Variants in PKP4 observed in about 807,000 individuals in gnomAD.
PKP4 encodes plakophilin-4.
A neutral mutation model predicts 145.1 loss-of-function variants in PKP4; 90 were observed. That is an observed-to-expected ratio of 0.62 (90% confidence interval 0.52 to 0.74). The LOEUF (loss-of-function observed/expected upper bound fraction) is 0.74. Among genes scored for constraint, PKP4 ranks in the 30% least tolerant of loss-of-function variants. The pLI is 0.00. For synonymous variants in PKP4, 563 were observed against 577.2 expected (o/e 0.98, Z 0.35); for missense variants, 1,340 against 1,482.7 (o/e 0.90, Z 1.58).
chr2:158,634,608 C>A (rs1473295426), intron 9 of PKP4, among the ~76,000 whole-genome samples: 1 of 152,156 alleles, frequency 6.6e-6, no homozygotes, highest in East Asian at 1.9e-4. Flanking sequence ...TTAAACAAGG[C>A]TTTGAAAGAT....
chr2:158,532,327 G>C (rs1376108004), intron 1 of PKP4, among the ~76,000 whole-genome samples: 1 of 152,030 alleles, frequency 6.6e-6, no homozygotes, highest in Non-Finnish European at 1.5e-5. Context: ...CCTAATGACT[G>C]GAATGAGACT....
intron 3 of PKP4, among the ~76,000 whole-genome samples, chr2:158,595,061 A>G (rs181404741): frequency 2.8e-4 from 42 of 152,320 alleles, no homozygotes; most frequent in Middle Eastern, 3.4e-3. Flanking sequence ...AATTTGTGTA[A>G]CTGCTCTATT....
At chr2:158,667,414 C>A (rs2057200182) in intron 16 of PKP4, among the ~76,000 whole-genome samples, 1 of 152,184 alleles carries the variant, frequency 6.6e-6, no homozygotes, top group African/African-American at 2.4e-5. Flanking sequence ...GCTGTCCTAA[C>A]TGGGTTTGCT....
intron 3 of PKP4, among the ~76,000 whole-genome samples, chr2:158,583,463 T>A (rs2048510131): frequency 6.6e-6 from 1 of 152,198 alleles, no homozygotes. Flanking sequence ...GTCAGGAAAG[T>A]ATAAAGAGAA....
At chr2:158,641,244 G>A (rs1375105570) in intron 10 of PKP4, among the ~76,000 whole-genome samples, 4 of 151,968 alleles carry the variant, frequency 2.6e-5, no homozygotes, top group South Asian at 4.1e-4. Context: ...AGGCTGAGGC[G>A]GGAGAATCAC....
intron 1 of PKP4, among the ~76,000 whole-genome samples, chr2:158,507,912 G>C (rs2041138095): frequency 6.6e-6 from 1 of 152,088 alleles, no homozygotes; most frequent in African/African-American, 2.4e-5. Flanking sequence ...TTCCATAATT[G>C]AGATATTCCT....
chr2:158,575,309 C>G (rs1222150635), intron 2 of PKP4, among the ~76,000 whole-genome samples: 1 of 152,164 alleles, frequency 6.6e-6, no homozygotes, highest in African/African-American at 2.4e-5. Flanking sequence ...GCACCTGCAT[C>G]ACAACCTGGC....
chr2:158,554,586 A>C lies in PKP4; in HGVS notation c.132+21270A>C, dbSNP rs370603788. Among the ~76,000 whole-genome samples the C allele has an allele frequency of 2.3e-3, 353 of 151,826 alleles. 2 individuals are homozygous for C. Among genetic ancestry groups the C allele is most frequent in the African/African-American group, 8.3e-3 (344 of 41,422 alleles). ...GACTACAGGTGCCCGCCACCATGCCAGGCTAATTTTTTGTATTTTTAGTAA... is the reference window on the plus strand; with the variant it reads ...GACTACAGGTGCCCGCCACCATGCCCGGCTAATTTTTTGTATTTTTAGTAA... On this transcript the variant is annotated intron_variant, in intron 2 of 21. Coordinates refer to ENST00000389759, the MANE Select transcript of PKP4 (RefSeq NM_003628.6).
chr2:158,643,724 A>AAG lies in PKP4; in HGVS notation c.1909+1026_1909+1027insGA, dbSNP rs775148873. Among the ~76,000 whole-genome samples, 25 of 44,658 alleles carry AAG rather than the reference A, an allele frequency of 5.6e-4. No homozygotes were observed. In the East Asian group the frequency reaches 0.025, roughly 46 times the overall value. 29.3% of individuals were successfully genotyped at this position (44,658 alleles called of 152,430 possible). A position where few individuals can be genotyped will look rare whatever the true frequency, so the allele number is the denominator to read the frequency against. On this transcript the variant is annotated intron_variant, in intron 11 of 21. Coordinates refer to ENST00000389759, the MANE Select transcript of PKP4 (RefSeq NM_003628.6). ...TGAGGCCCTGTTTCAAAAAAAAAAA[A>AAG]AAAAGAAAAGAAAACAAGGCCAGAG...
intron 1 of PKP4, among the ~76,000 whole-genome samples, chr2:158,498,972 G>A (rs1352477153): frequency 6.6e-6 from 1 of 152,126 alleles, no homozygotes; most frequent in African/African-American, 2.4e-5. Flanking sequence ...CTCACCTAAG[G>A]ATTAAGCCCA....
At chr2:158,550,386 CAAAT>C (rs138691754) in intron 2 of PKP4, among the ~76,000 whole-genome samples, 29,604 of 151,994 alleles carry the variant, frequency 0.19, 3,669 homozygotes, top group Middle Eastern at 0.35. Context: ...TGAGTTTTGA[CAAAT>C]GAATGTAGTC....
At chr2:158,497,756 G>A (rs1219112443) in intron 1 of PKP4, among the ~76,000 whole-genome samples, 1 of 152,202 alleles carries the variant, frequency 6.6e-6, no homozygotes, top group Non-Finnish European at 1.5e-5. Context: ...CACTGTATGA[G>A]TCATAGTATT....
rs187335081 is a variant in PKP4 at position 158,581,523 on chromosome 2, T to A, written c.245+4140T>A. 1.4e-4 allele frequency among the ~76,000 whole-genome samples: 21 copies of A among 152,344 alleles called. No homozygotes were observed. The East Asian group carries it at 4.1e-3, about 29-fold the overall frequency. ...GTTTTTGTCATTATTGGCCTCACCC[T>A]GTGAAGAAGGACGTGGCAGTGGCAT... On this transcript the variant is annotated intron_variant, in intron 3 of 21. Coordinates refer to ENST00000389759, the MANE Select transcript of PKP4 (RefSeq NM_003628.6).
chr2:158,626,356 T>A (rs2052785370), intron 7 of PKP4, among the ~76,000 whole-genome samples: 1 of 152,240 alleles, frequency 6.6e-6, no homozygotes, highest in African/African-American at 2.4e-5. Context: ...TCTACCTCAT[T>A]CTTAATAGAT....
intron 8 of PKP4, among the ~76,000 whole-genome samples, chr2:158,633,510 A>G (rs1490174468): frequency 6.6e-6 from 1 of 152,240 alleles, no homozygotes; most frequent in Non-Finnish European, 1.5e-5. Context: ...CATGTTACTC[A>G]GAATGGTGTG....
intron 11 of PKP4, among the ~76,000 whole-genome samples, chr2:158,648,942 G>C (rs940500361): frequency 6.6e-6 from 1 of 152,216 alleles, no homozygotes; most frequent in African/African-American, 2.4e-5. Context: ...ATGTTGCAGC[G>C]AGTCGACATC....
At position 158,513,086 on chromosome 2, in the gene PKP4, TACTA is replaced by T. The variant is rs1487619126; in HGVS notation, c.-5-20089_-5-20086del. Among the ~76,000 whole-genome samples the T allele has an allele frequency of 1.4e-4, 21 of 152,312 alleles. 1 individual carries two copies. Among genetic ancestry groups the T allele is most frequent in the Admixed American group, 4.6e-4 (7 of 15,300 alleles). On this transcript the variant is annotated intron_variant, in intron 1 of 21. Transcript: ENST00000389759. ...CTGGGTTTTCCTTTTCTGTGTTTCA[TACTA>T]ACTATCCTCTTCTCTAATTATGACA...
At chr2:158,659,185 A>C (rs1010334) in intron 12 of PKP4, 138,452 of 152,394 alleles carry the variant, frequency 0.91, 63,029 homozygotes, top group East Asian at 0.97. Flanking sequence ...TCTAGCATTG[A>C]GACAGGTGGC....
rs747382264 is a variant in PKP4, at chr2:158,625,424, A to G, written c.1150A>G (p.Thr384Ala). Residue 384 changes from threonine (T) to alanine (A), a missense_variant, in exon 7 of 22, where the codon ACA becomes GCA. Transcript: ENST00000389759. ...GGTTCCACCCAGGCCAGACAGCCTG[A>G]CAGGTGCGTACAAGGTGACAGTGCT... Reference protein sequence around the residue: ...RMVPPRPDSLTGLRSSYASQH... With the variant: ...RMVPPRPDSLAGLRSSYASQH... The G allele has an allele frequency of 1.7e-5, 28 of 1,605,580 alleles. No individual in the cohort carries two copies. The Middle Eastern group carries it at 8.3e-4, about 48-fold the overall frequency.
Sources: gnomAD v4.1 joint callset for allele counts (sites outside exome capture counted in the v4.1 genomes callset) on GRCh38, gnomAD v4.1.1 for gene constraint, MANE v1.5 for transcripts, NCBI Gene and HGNC (gene_info 2026-07-23, HGNC 2026-07-21) for gene names.